STX11: variants seen among roughly 807,000 people sequenced by gnomAD.
The protein encoded by STX11 is syntaxin-11.
Under a neutral mutation model 19.9 loss-of-function variants are expected in STX11, and 21 were observed. The ratio of observed to expected loss-of-function variants is 1.06; its 90% CI spans 0.75 to 1.52. STX11 has a LOEUF of 1.52. Ranked by LOEUF, STX11 falls within the 40% of genes most tolerant of loss-of-function variation. STX11 has a pLI of 0.00. For missense variants in STX11, 438 were observed against 405.9 expected, an observed-to-expected ratio of 1.08 and a Z score of -0.68; for synonymous variants, 193 against 174.4, an observed-to-expected ratio of 1.11 and a Z score of -0.84.
At position 144,187,066 on chromosome 6, in the gene STX11, A is replaced by C; in HGVS notation, c.439A>C (p.Asn147His). Residue 147 changes from asparagine (N) to histidine (H), a missense_variant, in exon 2 of 2, where the codon AAC (asparagine) becomes CAC (histidine). By Grantham distance (68) the Asn-to-His change is moderately conservative (BLOSUM62 1). Transcript: ENST00000367568. This position sits in a 1 kb window ranked among gnomAD's most constrained non-coding sequence, Gnocchi z 5.6. ...LTFQRAMHDYNQAEMKQRDNC... is the reference protein window; with the variant it reads ...LTFQRAMHDYHQAEMKQRDNC... ...CTTCCAGCGCGCCATGCACGACTAC[A>C]ACCAGGCCGAGATGAAGCAGCGCGA... is the stretch of plus-strand genomic sequence containing the variant. 1 of 1,613,470 alleles carries C rather than the reference A, an allele frequency of 6.2e-7. No homozygotes were observed. Among genetic ancestry groups the C allele is most frequent in the Non-Finnish European group, 8.5e-7 (1 of 1,179,992 alleles).
At chr6:144,164,623 GT>G (rs1801430681) in intron 1 of STX11, among the ~76,000 whole-genome samples, 1 of 152,288 alleles carries the variant, frequency 6.6e-6, no homozygotes, top group East Asian at 1.9e-4. Flanking sequence ...TTAAAATTCT[GT>G]TGGTATTAAA....
the STX11 span, among the ~76,000 whole-genome samples, chr6:144,141,804 G>A: frequency 2.6e-5 from 4 of 151,656 alleles, no homozygotes; most frequent in Non-Finnish European, 4.4e-5. Flanking sequence ...ACAGCCTCCC[G>A]AGTAGCTGGG....
chr6:144,163,104 A>G (rs1801383966), intron 1 of STX11, among the ~76,000 whole-genome samples: 1 of 152,220 alleles, frequency 6.6e-6, no homozygotes, highest in Non-Finnish European at 1.5e-5. Flanking sequence ...ACTGAAGATG[A>G]ATTTCTCCCA....
At chr6:144,140,137 G>C in the STX11 span, among the ~76,000 whole-genome samples, 5 of 145,398 alleles carry the variant, frequency 3.4e-5, no homozygotes, top group African/African-American at 1.3e-4. Flanking sequence ...CTCAAGGAAA[G>C]ACTGTCCTTT....
Position 144,155,972 on chromosome 6 carries a change from T to A in STX11, c.-6+5269T>A, listed in dbSNP as rs1037867297. Among the ~76,000 whole-genome samples, 198 of 130,236 alleles carry A rather than the reference T, an allele frequency of 1.5e-3. 3 individuals carry two copies. The highest frequency in any genetic ancestry group is 3.5e-3 in the Middle Eastern group (1 of 282). The allele number at this position is 130,236 out of a possible 152,430, so 85.4% of individuals were successfully genotyped here. ...TTTCTTTCTTTCTTTCTTTCTTTCTTTCTTTCTTTCTTTCTTTCTTTCTTT... is the reference window on the plus strand; with the variant it reads ...TTTCTTTCTTTCTTTCTTTCTTTCTATCTTTCTTTCTTTCTTTCTTTCTTT... On this transcript the variant is annotated intron_variant, in intron 1 of 1. Transcript: ENST00000367568. The surrounding 1 kb of genome is among the most constrained non-coding windows in gnomAD (Gnocchi z 4.5).
chr6:144,174,881 A>G lies in STX11; in HGVS notation c.-5-11742A>G, dbSNP rs1335422393. ...GGCACAGTGGCACACATCTGTAATT[A>G]CAGCACTTTGGGAGGTTGAGGCAGA... On this transcript the variant is annotated intron_variant, in intron 1 of 1. Transcript: ENST00000367568. The surrounding 1 kb of genome is among the most constrained non-coding windows in gnomAD (Gnocchi z 5.3). 6.6e-6 allele frequency among the ~76,000 whole-genome samples: 1 copy of G among 152,152 alleles called. No homozygotes were observed. The highest frequency in any genetic ancestry group is 1.5e-5 in the Non-Finnish European group (1 of 68,032).
chr6:144,187,294 G>T lies in STX11; in HGVS notation c.667G>T (p.Asp223Tyr). 1 of 1,612,678 alleles carries T rather than the reference G, an allele frequency of 6.2e-7. No individual in the cohort carries two copies. Among genetic ancestry groups the T allele is most frequent in the Non-Finnish European group, 8.5e-7 (1 of 1,179,976 alleles). ...GCTGCGCCTGGAGAGCCGCATCCGC[G>T]ACGTACACGAGCTCTTCTTGCAGAT... The part of the protein sequence containing the change: ...ELLRLESRIR[D>Y]VHELFLQMAV... The change falls in exon 2 of 2, where the codon GAC becomes TAC. Residue 223 changes from aspartate to tyrosine, a missense_variant. Asp to Tyr is a radical substitution (Grantham distance 160). Transcript: ENST00000367568. This position sits in a 1 kb window ranked among gnomAD's most constrained non-coding sequence, Gnocchi z 5.6.
intron 1 of STX11, among the ~76,000 whole-genome samples, chr6:144,164,450 A>G (rs555693113): frequency 4.6e-5 from 7 of 152,342 alleles, no homozygotes; most frequent in African/African-American, 1.7e-4. Context: ...CTGATAGTCT[A>G]TTCACAAGAG....
rs1028747586 is a variant in STX11, at chr6:144,169,884, A to G, written c.-5-16739A>G. Among the ~76,000 whole-genome samples the G allele has an allele frequency of 1.4e-4, 22 of 151,924 alleles. No homozygotes were observed. Among genetic ancestry groups the G allele is most frequent in the Admixed American group, 3.3e-4 (5 of 15,252 alleles). On this transcript the variant is annotated intron_variant, in intron 1 of 1. Coordinates refer to ENST00000367568, the MANE Select transcript of STX11 (RefSeq NM_003764.4). The surrounding 1 kb of genome is among the most constrained non-coding windows in gnomAD (Gnocchi z 5.2). ...TTTTTTGTAGAGCCATAGTCTCACT[A>G]TGTTGCTAGTATTGAACTCCTGGGC...
Position 144,151,492 on chromosome 6 carries a change from A to T in STX11, c.-6+789A>T. On this transcript the variant is annotated intron_variant, in intron 1 of 1. Coordinates refer to ENST00000367568, the MANE Select transcript of STX11 (RefSeq NM_003764.4). The surrounding 1 kb of genome is among the most constrained non-coding windows in gnomAD (Gnocchi z 4.6). ...GAAAAGCGAGGCTTGCTTTAAAATG[A>T]GACTCTAGATGTGAAATGCCTGCCC... 3.2e-6 allele frequency: 3 copies of T among 946,450 alleles called. No homozygotes were observed. Among genetic ancestry groups the T allele is most frequent in the Non-Finnish European group, 3.8e-6 (3 of 794,398 alleles). 58.6% of individuals were successfully genotyped at this position (946,450 alleles called of 1,614,324 possible). A position where few individuals can be genotyped will look rare whatever the true frequency, so the allele number is the denominator to read the frequency against.
Position 144,183,101 on chromosome 6 carries a change from T to C in STX11, c.-5-3522T>C, listed in dbSNP as rs1045942886. Among the ~76,000 whole-genome samples the C allele has an allele frequency of 6.6e-6, 1 of 152,218 alleles. No individual in the cohort carries two copies. The highest frequency in any genetic ancestry group is 2.4e-5 in the African/African-American group (1 of 41,464). ...GGGTTTTTAAATTATGAAATGTGTG[T>C]GGACATTATAAAAATTTTGGAAAAT... On this transcript the variant is annotated intron_variant, in intron 1 of 1. Transcript: ENST00000367568. This position sits in a 1 kb window ranked among gnomAD's most constrained non-coding sequence, Gnocchi z 4.6.
chr6:144,151,668 T>C lies in STX11; in HGVS notation c.-6+965T>C, dbSNP rs1260370094. ...TTGCCACAGATGCCCAAGAGAAAAT[T>C]AATTTCATTATTCAATGACCATTTT... On this transcript the variant is annotated intron_variant, in intron 1 of 1. Transcript: ENST00000367568. The surrounding 1 kb of genome is among the most constrained non-coding windows in gnomAD (Gnocchi z 4.6). Among the ~76,000 whole-genome samples the C allele has an allele frequency of 1.3e-5, 2 of 152,230 alleles. No homozygotes were observed. The highest frequency in any genetic ancestry group is 2.9e-5 in the Non-Finnish European group (2 of 68,040).
chr6:144,170,068 T>A lies in STX11; in HGVS notation c.-5-16555T>A, dbSNP rs539707659. 1.3e-5 allele frequency among the ~76,000 whole-genome samples: 2 copies of A among 152,200 alleles called. No individual in the cohort carries two copies. Among genetic ancestry groups the A allele is most frequent in the Non-Finnish European group, 2.9e-5 (2 of 68,026 alleles). ...TTTTGTTTCTTCAGGTCATATAAGG[T>A]GGTCATTCCAACACCATATTTTTCT... On this transcript the variant is annotated intron_variant, in intron 1 of 1. Transcript: ENST00000367568. The surrounding 1 kb of genome is among the most constrained non-coding windows in gnomAD (Gnocchi z 4.7).
chr6:144,162,154 C>T lies in STX11; in HGVS notation c.-6+11451C>T, dbSNP rs1267492863. Among the ~76,000 whole-genome samples, 2 of 152,182 alleles carry T rather than the reference C, an allele frequency of 1.3e-5. No individual in the cohort carries two copies. Among genetic ancestry groups the T allele is most frequent in the Non-Finnish European group, 2.9e-5 (2 of 68,040 alleles). On this transcript the variant is annotated intron_variant, in intron 1 of 1. Coordinates refer to ENST00000367568, the MANE Select transcript of STX11 (RefSeq NM_003764.4). The surrounding 1 kb of genome is among the most constrained non-coding windows in gnomAD (Gnocchi z 4.6). ...GGTGGAACAGAGGATGGAGGGCCCT[C>T]CCACTTCTTTAAAAAGCTTCTGACC...
rs75138397 is a variant in STX11, at chr6:144,159,041, C to A, written c.-6+8338C>A. 4.2e-3 allele frequency among the ~76,000 whole-genome samples: 635 copies of A among 152,156 alleles called. 13 individuals carry two copies. In the East Asian group the frequency reaches 0.074, roughly 18 times the overall value. ...ATTCCCATAGATCCCTCTATTATGGCATTTATTATCATTATTCTCTCTAAC... is the reference window on the plus strand; with the variant it reads ...ATTCCCATAGATCCCTCTATTATGGAATTTATTATCATTATTCTCTCTAAC... On this transcript the variant is annotated intron_variant, in intron 1 of 1. Transcript: ENST00000367568. The surrounding 1 kb of genome is among the most constrained non-coding windows in gnomAD (Gnocchi z 4.3).
chr6:144,171,614 C>G (rs1295837536), intron 1 of STX11, among the ~76,000 whole-genome samples: 2 of 152,154 alleles, frequency 1.3e-5, no homozygotes, highest in African/African-American at 2.4e-5. Context: ...CTTTCCTGAC[C>G]CCACTGCTCA....
chr6:144,187,145 C>T lies in STX11; in HGVS notation c.518C>T (p.Ser173Leu). Residue 173 changes from serine (S) to leucine (L), a missense_variant, in exon 2 of 2, where the codon TCG (serine) becomes TTG (leucine). Transcript: ENST00000367568. This position sits in a 1 kb window ranked among gnomAD's most constrained non-coding sequence, Gnocchi z 5.6. ...CTGGAGATCATGGGCAAGGAAGTCT[C>T]GGGCGACCAGATCGAGGACATGTTC... ...RQLEIMGKEV[S>L]GDQIEDMFEQ... 1 of 1,614,008 alleles carries T rather than the reference C, an allele frequency of 6.2e-7. No homozygotes were observed. Among genetic ancestry groups the T allele is most frequent in the Non-Finnish European group, 8.5e-7 (1 of 1,180,014 alleles).
chr6:144,181,520 G>A (rs955548701), intron 1 of STX11, among the ~76,000 whole-genome samples: 9 of 146,706 alleles, frequency 6.1e-5, no homozygotes, highest in Admixed American at 2.8e-4. Flanking sequence ...ACTTGAACCC[G>A]GGAGGCAGAG....
In STX11 at chr6:144,175,599, G is replaced by A. The variant is rs922004602; in HGVS notation, c.-5-11024G>A. Among the ~76,000 whole-genome samples, 10 of 152,070 alleles carry A rather than the reference G, an allele frequency of 6.6e-5. No homozygotes were observed. Among genetic ancestry groups the A allele is most frequent in the South Asian group, 2.1e-4 (1 of 4,820 alleles). ...TGGGATTACAGGCATGAGCCACCGC[G>A]CCCAGCCTTAATAACACTCTTTTAA... On this transcript the variant is annotated intron_variant, in intron 1 of 1. Coordinates refer to ENST00000367568, the MANE Select transcript of STX11 (RefSeq NM_003764.4). The surrounding 1 kb of genome is among the most constrained non-coding windows in gnomAD (Gnocchi z 5.1).
Sources: allele counts gnomAD v4.1 joint callset (sites outside exome capture counted in the v4.1 genomes callset), GRCh38; gene constraint gnomAD v4.1.1; non-coding constraint Gnocchi (gnomAD v3.1); transcripts MANE v1.5; gene names NCBI Gene and HGNC (gene_info 2026-07-23, HGNC 2026-07-21).